ARSB: variants seen among roughly 807,000 people sequenced by gnomAD.
ARSB encodes the protein N-acetylgalactosamine-4-sulfatase.
A neutral mutation model predicts 50.9 loss-of-function variants in ARSB; 41 were observed. The observed-to-expected ratio is 0.81, with a 90% CI of 0.63 to 1.04. ARSB has a LOEUF of 1.04. Among genes scored for constraint, ARSB ranks in the 50% least tolerant of loss-of-function variants. The pLI is 0.00. For missense variants in ARSB, 672 were observed against 693.3 expected (o/e 0.97, Z 0.35); for synonymous variants, 269 against 284.8 (o/e 0.94, Z 0.56).
At chr5:78,908,852 T>C (rs1210897163) in intron 4 of ARSB, among the ~76,000 whole-genome samples, 2 of 151,912 alleles carry the variant, frequency 1.3e-5, no homozygotes, top group Non-Finnish European at 2.9e-5. Flanking sequence ...TGCAGGATGG[T>C]TGGGTTTTTA....
At position 78,863,251 on chromosome 5, in the gene ARSB, T is replaced by C. The variant is rs147227304; in HGVS notation, c.1142+22333A>G. On this transcript the variant is annotated intron_variant, in intron 5 of 7. Coordinates refer to ENST00000264914, the MANE Select transcript of ARSB (RefSeq NM_000046.5). Reference sequence around the variant, plus strand: ...AAATCGTTTGACCCAGTGATCCCATTACTGGGTATATACCCAAAGGATTAT... The same window carrying C: ...AAATCGTTTGACCCAGTGATCCCATCACTGGGTATATACCCAAAGGATTAT... 4.1e-4 allele frequency among the ~76,000 whole-genome samples: 63 copies of C among 152,246 alleles called. No individual in the cohort carries two copies. In the East Asian group the frequency reaches 0.011, roughly 28 times the overall value.
intron 4 of ARSB, among the ~76,000 whole-genome samples, chr5:78,901,359 C>T (rs1748798455): frequency 6.6e-6 from 1 of 152,044 alleles, no homozygotes; most frequent in South Asian, 2.1e-4. Context: ...TGATATTTAT[C>T]CCAAGACTGC....
At chr5:78,958,861 C>T (rs1158133836) in intron 3 of ARSB, among the ~76,000 whole-genome samples, 1 of 152,190 alleles carries the variant, frequency 6.6e-6, no homozygotes, top group African/African-American at 2.4e-5. Flanking sequence ...ACTGTTACAT[C>T]TTCAGTGTGG....
rs533198224 is a variant in ARSB at position 78,847,068 on chromosome 5, G to A, written c.1143-7642C>T. Among the ~76,000 whole-genome samples the A allele has an allele frequency of 2.6e-5, 4 of 152,268 alleles. No individual in the cohort carries two copies. The South Asian group carries it at 6.2e-4, about 24-fold the overall frequency. ...GTGTCATGTTTATGGATTTGTATAT[G>A]TTGAACCATTCTTGCAACTTTGGGA... On this transcript the variant is annotated intron_variant, in intron 5 of 7. Coordinates refer to ENST00000264914, the MANE Select transcript of ARSB (RefSeq NM_000046.5).
intron 6 of ARSB, among the ~76,000 whole-genome samples, chr5:78,802,327 GTTAAA>G (rs1191968911): frequency 6.6e-6 from 1 of 150,604 alleles, no homozygotes; most frequent in Non-Finnish European, 1.5e-5. Flanking sequence ...AATTATATTT[GTTAAA>G]TTAAATTAAA....
chr5:78,816,231 C>A (rs1743986014), intron 6 of ARSB: 1 of 1,587,350 alleles, frequency 6.3e-7, no homozygotes, highest in Admixed American at 1.7e-5. Flanking sequence ...ACTGTGAATT[C>A]CTAAAGGGCA....
At chr5:78,836,259 T>C (rs1191540908) in intron 6 of ARSB, among the ~76,000 whole-genome samples, 2 of 151,980 alleles carry the variant, frequency 1.3e-5, no homozygotes, top group African/African-American at 2.4e-5. Context: ...TGTGAGGAGG[T>C]GGGTGGCACC....
chr5:78,812,004 G>C (rs1743826028), intron 6 of ARSB, among the ~76,000 whole-genome samples: 1 of 152,042 alleles, frequency 6.6e-6, no homozygotes, highest in Non-Finnish European at 1.5e-5. Flanking sequence ...TTTTGGCCAA[G>C]TGCTGCCTAA....
chr5:78,913,620 T>C (rs1749409885), intron 4 of ARSB, among the ~76,000 whole-genome samples: 1 of 152,234 alleles, frequency 6.6e-6, no homozygotes, highest in Non-Finnish European at 1.5e-5. Context: ...TAGAGCCTCT[T>C]AATCCATATT....
chr5:78,851,807 T>G lies in ARSB; in HGVS notation c.1143-12381A>C, dbSNP rs550055371. 8.3e-3 allele frequency among the ~76,000 whole-genome samples: 1,259 copies of G among 152,268 alleles called. 22 individuals are homozygous for G. The highest frequency in any genetic ancestry group is 0.029 in the African/African-American group (1,197 of 41,560). Reference sequence around the variant, plus strand: ...TCTTGTTGAATTGATCCCTTTACCATTATGTAATGGCCTTCTTTGTCTCTT... The same window carrying G: ...TCTTGTTGAATTGATCCCTTTACCAGTATGTAATGGCCTTCTTTGTCTCTT... On this transcript the variant is annotated intron_variant, in intron 5 of 7. Transcript: ENST00000264914.
chr5:78,876,609 G>C (rs1747493803), intron 5 of ARSB, among the ~76,000 whole-genome samples: 1 of 152,200 alleles, frequency 6.6e-6, no homozygotes, highest in Non-Finnish European at 1.5e-5. Context: ...TGAATTCCTT[G>C]AGTTGAGCAG....
At chr5:78,867,519 C>T (rs1296227743) in intron 5 of ARSB, among the ~76,000 whole-genome samples, 3 of 152,176 alleles carry the variant, frequency 2.0e-5, no homozygotes, top group African/African-American at 4.8e-5. Context: ...CCCTGACCCC[C>T]GAGCAGCCTA....
At chr5:78,906,169 T>A (rs28673689) in intron 4 of ARSB, among the ~76,000 whole-genome samples, 16 of 143,820 alleles carry the variant, frequency 1.1e-4, no homozygotes, top group African/African-American at 3.8e-4. Flanking sequence ...CATAAAAAAT[T>A]AAAAAAAAAA....
At chr5:78,780,782 C>A in intron 7 of ARSB, 120 bp from the exon 8 acceptor site, 2 of 1,220,478 alleles carry the variant, frequency 1.6e-6, no homozygotes, top group Middle Eastern at 4.7e-4. Flanking sequence ...TAAAAAGATG[C>A]GGCCCTAGAT....
intron 6 of ARSB, among the ~76,000 whole-genome samples, chr5:78,830,316 A>G (rs1297284208): frequency 6.6e-6 from 1 of 152,176 alleles, no homozygotes; most frequent in Non-Finnish European, 1.5e-5. Context: ...GGATCTGGTG[A>G]GGCAGCTGGC....
intron 6 of ARSB, among the ~76,000 whole-genome samples, chr5:78,789,565 G>C (rs115095989): frequency 1.5e-3 from 222 of 152,274 alleles, no homozygotes; most frequent in African/African-American, 5.2e-3. Flanking sequence ...GAGTGATATG[G>C]TATTGAGTCT....
intron 1 of ARSB, among the ~76,000 whole-genome samples, chr5:78,976,690 G>A (rs2112554839): frequency 6.6e-6 from 1 of 152,290 alleles, no homozygotes; most frequent in South Asian, 2.1e-4. Context: ...AATGCCACAT[G>A]GCACTTGACT....
chr5:78,885,799 AC>A lies in ARSB; in HGVS notation c.926del (p.Gly309ValfsTer29), dbSNP rs1297289814. 6.2e-7 allele frequency: 1 copy of A among 1,614,008 alleles called. No individual in the cohort carries two copies. Among genetic ancestry groups the A allele is most frequent in the Non-Finnish European group, 8.5e-7 (1 of 1,179,996 alleles). On this transcript the variant is annotated frameshift_variant, in exon 5 of 8. Coordinates refer to ENST00000264914, the MANE Select transcript of ARSB (RefSeq NM_000046.5). LOFTEE classifies it high-confidence loss of function. The stretch of plus-strand genomic sequence containing the variant: ...TTCTTCCTCGAAGGGGCCAGTTATT[AC>A]CCCCTGCCAAAGTCTGCCCTCCGTT... Reference protein sequence around the residue: ...TDNGGQTLAGGNNWPLRGRKW... With the variant: ...TDNGGQTLAGXNNWPLRGRKW...
chr5:78,968,251 G>C (rs114820963), intron 2 of ARSB, among the ~76,000 whole-genome samples: 265 of 150,804 alleles, frequency 1.8e-3, no homozygotes, highest in Middle Eastern at 0.014. Context: ...GAAAAATTGT[G>C]AATACATTCC....
Sources: gnomAD v4.1 joint callset for allele counts (sites outside exome capture counted in the v4.1 genomes callset) on GRCh38, gnomAD v4.1.1 for gene constraint, MANE v1.5 for transcripts, NCBI Gene and HGNC (gene_info 2026-07-23, HGNC 2026-07-21) for gene names.